COL17A1: variants seen among roughly 807,000 people sequenced by gnomAD.
COL17A1 encodes the protein collagen alpha-1(XVII) chain.
Under a neutral mutation model 218.4 loss-of-function variants are expected in COL17A1, and 181 were observed. The ratio of observed to expected loss-of-function variants is 0.83; its 90% CI spans 0.73 to 0.94. The LOEUF (loss-of-function observed/expected upper bound fraction) is 0.94. COL17A1 is among the 40% of genes least tolerant of loss of function. The probability of loss-of-function intolerance (pLI) is 0.00; values close to 1 mark genes in which losing one functional copy is unlikely to be tolerated. For missense variants in COL17A1, 1,924 were observed against 1,945.9 expected (o/e 0.99, Z 0.21); for synonymous variants, 721 against 731.0 (o/e 0.99, Z 0.22).
intron 9 of COL17A1, among the ~76,000 whole-genome samples, chr10:104,067,002 A>G (rs1283557505): frequency 6.6e-6 from 1 of 152,146 alleles, no homozygotes; most frequent in Non-Finnish European, 1.5e-5. Flanking sequence ...TTTAGGACCC[A>G]ATTTTTGTAC....
Position 104,056,961 on chromosome 10 carries a change from C to A in COL17A1, c.1465+14G>T. 1.9e-6 allele frequency: 3 copies of A among 1,560,750 alleles called. No individual in the cohort carries two copies. The highest frequency in any genetic ancestry group is 2.6e-6 in the Non-Finnish European group (3 of 1,153,214). ...TCCTACCACACAGGCTGCCCTGCTG[C>A]CTTTGCCACGTACCCAGAGCAATGA... On this transcript the variant is annotated intron_variant, in intron 17 of 55. Transcript: ENST00000648076.
intron 52 of COL17A1, among the ~76,000 whole-genome samples, chr10:104,033,600 C>T (rs1274939986): frequency 8.5e-5 from 13 of 152,202 alleles, no homozygotes; most frequent in South Asian, 2.1e-4. Context: ...GTAACTGTGC[C>T]GTTAAGCTGC....
At chr10:104,035,183 T>A in intron 50 of COL17A1, 80 bp downstream of exon 50, 1 of 1,194,562 alleles carries the variant, frequency 8.4e-7, no homozygotes, top group Non-Finnish European at 1.2e-6. Flanking sequence ...GCACTTAGAC[T>A]GCCCTTGCTA....
chr10:104,081,442 C>A (rs1168996404), intron 1 of COL17A1, among the ~76,000 whole-genome samples: 1 of 152,184 alleles, frequency 6.6e-6, no homozygotes, highest in Non-Finnish European at 1.5e-5. Flanking sequence ...TGTCCCTCAG[C>A]ATGGATGGTA....
rs772091254 is a variant in COL17A1, at chr10:104,061,398, C to T, written c.979+7G>A. The T allele has an allele frequency of 6.2e-6, 10 of 1,612,786 alleles. No homozygotes were observed. The highest frequency in any genetic ancestry group is 8.5e-6 in the Non-Finnish European group (10 of 1,179,804). Reference sequence around the variant, plus strand: ...CCTGAACCCTGGCAGCTGGGAGCAGCACTCACCGGCGGAGGTGGAAACGCC... The same window carrying T: ...CCTGAACCCTGGCAGCTGGGAGCAGTACTCACCGGCGGAGGTGGAAACGCC... On this transcript the variant is annotated splice_region_variant and intron_variant, in intron 13 of 55. Transcript: ENST00000648076.
intron 5 of COL17A1, among the ~76,000 whole-genome samples, chr10:104,075,779 C>T (rs1201884116): frequency 6.6e-6 from 1 of 152,242 alleles, no homozygotes; most frequent in Non-Finnish European, 1.5e-5. Flanking sequence ...GCTCTCCTGG[C>T]TGTCTTTGCT....
intron 12 of COL17A1, among the ~76,000 whole-genome samples, chr10:104,061,990 C>T (rs747939302): frequency 2.0e-5 from 3 of 152,150 alleles, no homozygotes; most frequent in Non-Finnish European, 4.4e-5. Flanking sequence ...GCTGGCAAGA[C>T]CACCAACCTA....
chr10:104,060,124 G>A lies in COL17A1; in HGVS notation c.1136C>T (p.Ala379Val). Reference protein sequence around the residue: ...KVFTASPASIAATSFSEDTLK... With the variant: ...KVFTASPASIVATSFSEDTLK... Reference sequence around the variant, plus strand: ...CCACACAGGATCTGACGCACTTGCAGCGATGCTGGCAGGGGAGGCTGTAAA... The same window carrying A: ...CCACACAGGATCTGACGCACTTGCAACGATGCTGGCAGGGGAGGCTGTAAA... The change falls in exon 14 of 56, where the codon GCT (alanine) becomes GTT (valine). Residue 379 changes from alanine (A) to valine (V), a missense_variant. Physicochemically the swap from Ala to Val is moderately conservative, Grantham distance 64 (BLOSUM62 0). Coordinates refer to ENST00000648076, the MANE Select transcript of COL17A1 (RefSeq NM_000494.4). 6.2e-7 allele frequency: 1 copy of A among 1,614,122 alleles called. No homozygotes were observed.
chr10:104,041,544 G>C lies in COL17A1; in HGVS notation c.2552-6C>G. ...ACCTTGTAAATTAAGAACTTCTATA[G>C]AGAGAAGAAAATAGAAATGAGCAAA... On this transcript the variant is annotated splice_region_variant and splice_polypyrimidine_tract_variant and intron_variant, in intron 36 of 55. Transcript: ENST00000648076. 6.2e-7 allele frequency: 1 copy of C among 1,612,240 alleles called. No homozygotes were observed. The highest frequency in any genetic ancestry group is 8.5e-7 in the Non-Finnish European group (1 of 1,178,412).
At chr10:104,055,175 T>A in intron 19 of COL17A1, 168 bp from the exon 20 acceptor site, 1 of 1,453,858 alleles carries the variant, frequency 6.9e-7, no homozygotes, top group Non-Finnish European at 9.4e-7. Flanking sequence ...GGCTCATTGC[T>A]GGGCTTCTCT....
intron 24 of COL17A1, among the ~76,000 whole-genome samples, chr10:104,051,920 G>A (rs2086473282): frequency 6.6e-6 from 1 of 152,170 alleles, no homozygotes; most frequent in South Asian, 2.1e-4. Flanking sequence ...GGCCATTGAA[G>A]AGAGATGGAA....
In COL17A1 at chr10:104,039,444, C is replaced by A; in HGVS notation, c.2896+1G>T. On this transcript the variant is annotated splice_donor_variant, in intron 43 of 55. Transcript: ENST00000648076. LOFTEE classifies it high-confidence loss of function. ...CACCTTCTCACTGCTCCCTCACTGA[C>A]CTTTGTCACCTTTGGGTCCCTGGGG... is the stretch of plus-strand genomic sequence containing the variant. 7 of 1,614,102 alleles carry A rather than the reference C, an allele frequency of 4.3e-6. No individual in the cohort carries two copies. The highest frequency in any genetic ancestry group is 5.9e-6 in the Non-Finnish European group (7 of 1,180,036).
At chr10:104,055,701 C>T (rs1310097723) in intron 18 of COL17A1, 81 bp downstream of exon 18, 16 of 1,569,074 alleles carry the variant, frequency 1.0e-5, no homozygotes, top group African/African-American at 1.3e-5. Context: ...ATGGTGCTCA[C>T]AGCACATGCA....
chr10:104,072,734 C>A (rs1264026716), intron 7 of COL17A1, among the ~76,000 whole-genome samples: 1 of 152,154 alleles, frequency 6.6e-6, no homozygotes. Flanking sequence ...TCTCCCAGGA[C>A]CACATTTCTC....
Position 104,037,103 on chromosome 10 carries a change from G to A in COL17A1, c.3219C>T (p.Tyr1073=), listed in dbSNP as rs201511180. Residue 1073 remains tyrosine (Y), a synonymous_variant, in exon 47 of 56, where the codon TAC becomes TAT. Coordinates refer to ENST00000648076, the MANE Select transcript of COL17A1 (RefSeq NM_000494.4). ...TGGAGGACGAGAACAAGCTGACACC[G>A]TACCCCGAAGCTGTCGGGAAGAAAA... ...HVVSYLRTSG[Y]GVSLFSSSIS... 54 of 1,604,866 alleles carry A rather than the reference G, an allele frequency of 3.4e-5. No homozygotes were observed. Among genetic ancestry groups the A allele is most frequent in the Non-Finnish European group, 4.5e-5 (53 of 1,176,038 alleles).
At chr10:104,036,406 G>T in intron 48 of COL17A1, 86 bp downstream of exon 48, 1 of 1,574,138 alleles carries the variant, frequency 6.4e-7, no homozygotes. Flanking sequence ...GGGGGTCAGT[G>T]GGGCAATCAC....
chr10:104,079,983 A>G (rs1398324681), intron 2 of COL17A1, among the ~76,000 whole-genome samples: 1 of 152,096 alleles, frequency 6.6e-6, no homozygotes, highest in Non-Finnish European at 1.5e-5. Context: ...TGATTTGAAT[A>G]ATAGTCCTTC....
intron 22 of COL17A1, 72 bp downstream of exon 22, chr10:104,053,848 G>T: frequency 2.3e-6 from 2 of 876,142 alleles, no homozygotes; most frequent in Non-Finnish European, 3.8e-6. Context: ...CATACAGCAG[G>T]CACTTAATGA....
In COL17A1 at chr10:104,064,505, G is replaced by T; in HGVS notation, c.699C>A (p.Thr233=). 1.2e-6 allele frequency: 2 copies of T among 1,614,170 alleles called. No homozygotes were observed. The highest frequency in any genetic ancestry group is 1.7e-6 in the Non-Finnish European group (2 of 1,180,040). ...TCTGGGTTGTCATGTTGTTGTGATA[G>T]GTCCCCATGGAGGACCCCGCGGGCA... ...STLPAGSSMG[T]YHNNMTTQSS... The change falls in exon 10 of 56, where the codon ACC becomes ACA. Residue 233 remains threonine, a synonymous_variant. Transcript: ENST00000648076.
Sources: allele counts gnomAD v4.1 joint callset (sites outside exome capture counted in the v4.1 genomes callset), GRCh38; gene constraint gnomAD v4.1.1; transcripts MANE v1.5; gene names NCBI Gene and HGNC (gene_info 2026-07-23, HGNC 2026-07-21).